The following SETDB1 variants were observed in gnomAD, a reference collection of about 807,000 sequenced individuals.
SETDB1 encodes histone-lysine N-methyltransferase SETDB1.
A neutral mutation model predicts 137.4 loss-of-function variants in SETDB1; 31 were observed. That is an observed-to-expected ratio of 0.23 (90% confidence interval 0.17 to 0.30). The LOEUF (loss-of-function observed/expected upper bound fraction) is 0.30, where lower values mean the gene tolerates loss of function less well. Ranked by LOEUF, SETDB1 falls within the 10% of genes least tolerant of loss-of-function variation. The pLI is 1.00. For synonymous variants in SETDB1, 548 were observed against 579.9 expected, an observed-to-expected ratio of 0.95 and a Z score of 0.79; for missense variants, 1,113 against 1,631.5, an observed-to-expected ratio of 0.68 and a Z score of 5.47.
rs756491063 is a variant in SETDB1 at position 150,960,786 on chromosome 1, T to C, written c.2727T>C (p.Asp909=). 1.9e-6 allele frequency: 3 copies of C among 1,609,792 alleles called. No homozygotes were observed. The highest frequency in any genetic ancestry group is 2.5e-6 in the Non-Finnish European group (3 of 1,177,996). Residue 909 remains aspartate (D), a synonymous_variant, in exon 16 of 22, where the codon GAT becomes GAC. Coordinates refer to ENST00000692827, the MANE Select transcript of SETDB1 (RefSeq NM_001366418.1). ...AGTCCAATGATGATAGCTCAGATGA[T>C]AACTTCTGTAAGGATGAGGACTTCA... ...PEESNDDSSD[D]NFCKDEDFST... is the part of the protein sequence containing the mutation.
At chr1:150,958,777 G>GAA (rs1321539807) in intron 14 of SETDB1, among the ~76,000 whole-genome samples, 2 of 151,720 alleles carry the variant, frequency 1.3e-5, no homozygotes, top group Non-Finnish European at 2.9e-5. Flanking sequence ...ACCTCACCAG[G>GAA]AATTTCTCAC....
chr1:150,963,552 A>C lies in SETDB1; in HGVS notation c.3483A>C (p.Ala1161=). ...NMTGPMKRQV[A]VKSTRGFALK... ...CAGGTCCAATGAAGCGTCAAGTGGC[A>C]GTAAAATCAACCCGAGGCTTTGCTC... Residue 1161 remains alanine (A), a synonymous_variant, in exon 20 of 22, where the codon GCA becomes GCC. Coordinates refer to ENST00000692827, the MANE Select transcript of SETDB1 (RefSeq NM_001366418.1). 6.2e-7 allele frequency: 1 copy of C among 1,613,618 alleles called. No individual in the cohort carries two copies. The highest frequency in any genetic ancestry group is 1.3e-5 in the African/African-American group (1 of 75,048).
chr1:150,926,419 AT>A lies in SETDB1; in HGVS notation c.-109del, dbSNP rs1669516802. 1 of 275,520 alleles carries A rather than the reference AT, an allele frequency of 3.6e-6. No individual in the cohort carries two copies. Among genetic ancestry groups the A allele is most frequent in the African/African-American group, 2.3e-5 (1 of 43,082 alleles). 17.1% of individuals were successfully genotyped at this position (275,520 alleles called of 1,614,324 possible). A position where few individuals can be genotyped will look rare whatever the true frequency, so the allele number is the denominator to read the frequency against. ...CTTCCTCCCCTCCCCCTCCTCCCTT[AT>A]CCCTTCGCTTTCGCTCTTTTCCGTC... is the stretch of plus-strand genomic sequence containing the variant. On this transcript the variant is annotated 5_prime_UTR_variant, in exon 1 of 22. Transcript: ENST00000692827.
intron 11 of SETDB1, 22 bp from the exon 12 acceptor site, chr1:150,949,345 G>T (rs1670429131): frequency 6.2e-7 from 1 of 1,613,744 alleles, no homozygotes; most frequent in Non-Finnish European, 8.5e-7. Context: ...CTTACTATAT[G>T]CCCTCTTCTC....
chr1:150,949,700 T>C lies in SETDB1; in HGVS notation c.1583+175T>C, dbSNP rs74453797. Reference sequence around the variant, plus strand: ...CCTAAGAAATAGAAAGTAAGAATAATTGAATTGGAAGCTGGGTGCTTGGAA... The same window carrying C: ...CCTAAGAAATAGAAAGTAAGAATAACTGAATTGGAAGCTGGGTGCTTGGAA... On this transcript the variant is annotated intron_variant, in intron 12 of 21. Coordinates refer to ENST00000692827, the MANE Select transcript of SETDB1 (RefSeq NM_001366418.1). Among the ~76,000 whole-genome samples, 718 of 152,282 alleles carry C rather than the reference T, an allele frequency of 4.7e-3. 17 individuals carry two copies. The highest frequency in any genetic ancestry group is 0.019 in the East Asian group (96 of 5,186).
chr1:150,961,203 C>T lies in SETDB1; in HGVS notation c.3132+12C>T. On this transcript the variant is annotated intron_variant, in intron 16 of 21. Coordinates refer to ENST00000692827, the MANE Select transcript of SETDB1 (RefSeq NM_001366418.1). ...AGGCCAAGAAAGAGGTAAGCAGTGG[C>T]AGAACACTCTGAGAGCTATGGCTTT... is the stretch of plus-strand genomic sequence containing the variant. 2 of 1,611,452 alleles carry T rather than the reference C, an allele frequency of 1.2e-6. No individual in the cohort carries two copies. The highest frequency in any genetic ancestry group is 1.7e-6 in the Non-Finnish European group (2 of 1,179,424).
At chr1:150,946,452 A>AT (rs975202697) in intron 9 of SETDB1, among the ~76,000 whole-genome samples, 1 of 151,002 alleles carries the variant, frequency 6.6e-6, no homozygotes. Context: ...TAGATAAGGA[A>AT]TTTTTTTTTG....
chr1:150,940,875 G>A (rs749214870), intron 4 of SETDB1, among the ~76,000 whole-genome samples: 8 of 152,122 alleles, frequency 5.3e-5, no homozygotes, highest in Non-Finnish European at 1.0e-4. Context: ...GCACGTGCCT[G>A]TAGTCCCAGC....
intron 3 of SETDB1, among the ~76,000 whole-genome samples, chr1:150,934,169 C>A (rs184538535): frequency 3.3e-5 from 5 of 152,034 alleles, no homozygotes; most frequent in Non-Finnish European, 5.9e-5. Flanking sequence ...TGACTTAATT[C>A]TGGTAAAAAT....
chr1:150,950,120 G>A (rs587641077), intron 12 of SETDB1, among the ~76,000 whole-genome samples: 1 of 152,196 alleles, frequency 6.6e-6, no homozygotes, highest in African/African-American at 2.4e-5. Context: ...TGTAATCCCA[G>A]CTACTCAGGA....
Position 150,959,291 on chromosome 1 carries a change from G to C in SETDB1, c.2447G>C (p.Trp816Ser). Residue 816 changes from tryptophan to serine, a missense_variant, in exon 15 of 22, where the codon TGG (tryptophan) becomes TCG (serine). By Grantham distance (177) the Trp-to-Ser change is radical. Around this residue, in one of 11 missense-constraint regions of SETDB1, gnomAD observed 25 missense variants for 102.1 expected, o/e 0.24. Transcript: ENST00000692827. Reference sequence around the variant, plus strand: ...CTATTCAAGACACAGAACAAGGGCTGGGGTATCCGCTGCTTGGATGACATT... The same window carrying C: ...CTATTCAAGACACAGAACAAGGGCTCGGGTATCCGCTGCTTGGATGACATT... ...LQLFKTQNKG[W>S]GIRCLDDIAK... 6.2e-7 allele frequency: 1 copy of C among 1,609,452 alleles called. No homozygotes were observed. Among genetic ancestry groups the C allele is most frequent in the Non-Finnish European group, 8.5e-7 (1 of 1,178,496 alleles).
chr1:150,946,913 C>T lies in SETDB1; in HGVS notation c.1168C>T (p.Arg390Ter). The T allele has an allele frequency of 6.2e-7, 1 of 1,614,048 alleles. No homozygotes were observed. The highest frequency in any genetic ancestry group is 8.5e-7 in the Non-Finnish European group (1 of 1,179,974). Residue 390 changes from arginine to a stop codon, truncating the protein, a stop_gained, in exon 10 of 22, where the codon CGA (arginine) becomes TGA (stop). Transcript: ENST00000692827. LOFTEE classifies it high-confidence loss of function. ...TGACAAAAGATGTGAGTGGATCTAT[C>T]GAGGCTCTACACGGCTGGAGCCCAT... ...LDDKRCEWIY[R>*]GSTRLEPMFS...
intron 4 of SETDB1, among the ~76,000 whole-genome samples, chr1:150,940,593 C>T (rs1381789991): frequency 6.6e-6 from 1 of 150,582 alleles, no homozygotes; most frequent in East Asian, 2.0e-4. Context: ...AGAGGCTAGG[C>T]GTGGTGGCTT....
At chr1:150,945,645 T>C (rs1364497574) in intron 9 of SETDB1, among the ~76,000 whole-genome samples, 1 of 152,230 alleles carries the variant, frequency 6.6e-6, no homozygotes, top group Non-Finnish European at 1.5e-5. Flanking sequence ...CAGAAGAAAT[T>C]AGAAGTTATA....
chr1:150,934,752 C>G (rs1413022128), intron 3 of SETDB1, among the ~76,000 whole-genome samples: 1 of 152,022 alleles, frequency 6.6e-6, no homozygotes, highest in Non-Finnish European at 1.5e-5. Flanking sequence ...AGACGGTTTC[C>G]TTTAATATTT....
At chr1:150,943,685 T>G (rs879080212) in intron 7 of SETDB1, among the ~76,000 whole-genome samples, 1 of 152,130 alleles carries the variant, frequency 6.6e-6, no homozygotes, top group African/African-American at 2.4e-5. Flanking sequence ...CAAAAATATT[T>G]ATATGTATAT....
intron 3 of SETDB1, among the ~76,000 whole-genome samples, chr1:150,939,083 A>C (rs748348331): frequency 6.6e-6 from 1 of 151,508 alleles, no homozygotes; most frequent in Non-Finnish European, 1.5e-5. Flanking sequence ...TGTAGCTGGG[A>C]TTACAGGTGC....
intron 14 of SETDB1, 46 bp from the exon 15 acceptor site, chr1:150,959,132 C>T: frequency 7.3e-7 from 1 of 1,364,062 alleles, no homozygotes; most frequent in Non-Finnish European, 9.8e-7. Context: ...TTTTTTTGTG[C>T]TCTAGTGATC....
chr1:150,963,310 T>C (rs1670881384), intron 19 of SETDB1, 171 bp downstream of exon 19: 1 of 723,486 alleles, frequency 1.4e-6, no homozygotes, highest in Admixed American at 2.9e-5. Context: ...ACACATCCTC[T>C]CTCATTTCCA....
Sources: allele counts gnomAD v4.1 joint callset (sites outside exome capture counted in the v4.1 genomes callset), GRCh38; gene constraint gnomAD v4.1.1; regional missense constraint gnomAD v4.1.1; transcripts MANE v1.5; gene names NCBI Gene and HGNC (gene_info 2026-07-23, HGNC 2026-07-21).